Variants in APOLD1 observed in about 807,000 individuals in gnomAD.
APOLD1 encodes apolipoprotein L domain containing 1, also known as apolipoprotein L domain-containing protein 1.
Under a neutral mutation model 15.3 loss-of-function variants are expected in APOLD1, and 22 were observed. That is an observed-to-expected ratio of 1.44 (90% confidence interval 1.03 to 2.05). The LOEUF (loss-of-function observed/expected upper bound fraction) is 2.05. APOLD1 is among the 30% of genes most tolerant of loss of function. APOLD1 has a pLI of 0.00. For synonymous variants in APOLD1, 190 were observed against 167.4 expected, an observed-to-expected ratio of 1.13 and a Z score of -1.04; for missense variants, 394 against 353.5, an observed-to-expected ratio of 1.11 and a Z score of -0.92.
Position 12,786,993 on chromosome 12 carries a change from C to A in APOLD1, c.88C>A (p.Arg30=), listed in dbSNP as rs1180701650. The change falls in exon 2 of 2, where the codon CGG becomes AGG. Residue 30 remains arginine, a synonymous_variant. Transcript: ENST00000356591. ...GGGACTGCTGCTGGACCGCCGAGGC[C>A]GGCTGCACGGCCAGGTGCTGCGCCT... ...FQGLLLDRRG[R]LHGQVLRLRE... 1.4e-6 allele frequency: 2 copies of A among 1,419,596 alleles called. No homozygotes were observed. Among genetic ancestry groups the A allele is most frequent in the African/African-American group, 1.5e-5 (1 of 66,314 alleles). The allele number at this position is 1,419,596 out of a possible 1,614,324, so 87.9% of individuals were successfully genotyped here. A position where few individuals can be genotyped will look rare whatever the true frequency, so the allele number is the denominator to read the frequency against.
At chr12:12,786,486 CAT>C (rs1947125336) in intron 1 of APOLD1, among the ~76,000 whole-genome samples, 1 of 152,058 alleles carries the variant, frequency 6.6e-6, no homozygotes, top group African/African-American at 2.4e-5. Flanking sequence ...CCAATTTTCA[CAT>C]GATGAAAGGG....
At chr12:12,750,339 T>G (rs1366530369) in intron 1 of APOLD1, among the ~76,000 whole-genome samples, 1 of 130,930 alleles carries the variant, frequency 7.6e-6, no homozygotes, top group African/African-American at 2.7e-5. Context: ...GCCATTGCAT[T>G]TCAGCCTGGT....
At chr12:12,745,636 C>T (rs528305008) in intron 1 of APOLD1, among the ~76,000 whole-genome samples, 5 of 152,170 alleles carry the variant, frequency 3.3e-5, no homozygotes, top group South Asian at 2.1e-4. Flanking sequence ...TCCTATATTG[C>T]GTGTAGTGTA....
chr12:12,753,584 G>A (rs548318518), intron 1 of APOLD1, among the ~76,000 whole-genome samples: 18 of 151,832 alleles, frequency 1.2e-4, no homozygotes, highest in African/African-American at 2.7e-4. Flanking sequence ...TGGGAGGATC[G>A]TTTGAGCCCA....
chr12:12,746,262 G>A (rs1300680564), intron 1 of APOLD1, among the ~76,000 whole-genome samples: 7 of 152,228 alleles, frequency 4.6e-5, no homozygotes, highest in Admixed American at 1.3e-4. Flanking sequence ...TCGGGAAGCC[G>A]AGGCGGGTGG....
chr12:12,774,030 G>A (rs1057137197), intron 1 of APOLD1, among the ~76,000 whole-genome samples: 1 of 152,016 alleles, frequency 6.6e-6, no homozygotes, highest in Non-Finnish European at 1.5e-5. Context: ...CCCTGGACTT[G>A]GTGATTACTT....
intron 1 of APOLD1, among the ~76,000 whole-genome samples, chr12:12,755,094 T>C (rs1032844840): frequency 6.6e-5 from 10 of 151,978 alleles, no homozygotes; most frequent in African/African-American, 2.4e-4. Context: ...GTGATATAAG[T>C]GCAAGAATAG....
In APOLD1 at chr12:12,734,058, T is replaced by G. The variant is rs576885087; in HGVS notation, c.96+7962T>G. Among the ~76,000 whole-genome samples, 3 of 152,356 alleles carry G rather than the reference T, an allele frequency of 2.0e-5. No homozygotes were observed. In the South Asian group the frequency reaches 6.2e-4, roughly 32 times the overall value. The stretch of plus-strand genomic sequence containing the variant: ...CTCCATTTTTCTATCTAACTTCAGA[T>G]GCCATTAAATCTGTACATGAGTTAT... On this transcript the variant is annotated intron_variant, in intron 1 of 1. Transcript: ENST00000326765.
chr12:12,787,599 C>A lies in APOLD1; in HGVS notation c.694C>A (p.Arg232Ser), dbSNP rs1293024248. The change falls in exon 2 of 2, where the codon CGT (arginine) becomes AGT (serine). Residue 232 changes from arginine (R) to serine (S), a missense_variant. By Grantham distance (110) the Arg-to-Ser change is moderately radical. Transcript: ENST00000356591. The surrounding 1 kb of genome is among the most constrained non-coding windows in gnomAD (Gnocchi z 4.9). ...GGTTCAGCTCTGCACCAAGTCCAGT[C>A]GTGGCCACGACCTCAAGATCTCTGC... Reference protein sequence around the residue: ...SRVQLCTKSSRGHDLKISADQ... With the variant: ...SRVQLCTKSSSGHDLKISADQ... 1 of 1,611,126 alleles carries A rather than the reference C, an allele frequency of 6.2e-7. No individual in the cohort carries two copies. The highest frequency in any genetic ancestry group is 1.1e-5 in the South Asian group (1 of 91,052).
At chr12:12,743,093 T>C (rs1251070457) in intron 1 of APOLD1, among the ~76,000 whole-genome samples, 1 of 152,230 alleles carries the variant, frequency 6.6e-6, no homozygotes, top group Non-Finnish European at 1.5e-5. Flanking sequence ...GTTGAGCTGG[T>C]TTCCCACTTC....
At chr12:12,784,344 A>G (rs1334326678), upstream of APOLD1, among the ~76,000 whole-genome samples, 2 of 152,152 alleles carry the variant, frequency 1.3e-5, no homozygotes, top group African/African-American at 4.8e-5. Context: ...TGGAGTGACC[A>G]TGTCTATGGA....
At position 12,787,333 on chromosome 12, in the gene APOLD1, G is replaced by T. The variant is rs866196908; in HGVS notation, c.428G>T (p.Arg143Leu). ...CTGAGCTGCCTCGAGTTTTTCTGCCGCTGGCAGGGCTGCGGGGACCGCCAG... is the reference window on the plus strand; with the variant it reads ...CTGAGCTGCCTCGAGTTTTTCTGCCTCTGGCAGGGCTGCGGGGACCGCCAG... ...EILSCLEFFC[R>L]WQGCGDRQLL... Residue 143 changes from arginine to leucine, a missense_variant, in exon 2 of 2, where the codon CGC (arginine) becomes CTC (leucine). Coordinates refer to ENST00000356591, the MANE Select transcript of APOLD1 (RefSeq NM_030817.3). The surrounding 1 kb of genome is among the most constrained non-coding windows in gnomAD (Gnocchi z 4.9). 8.7e-6 allele frequency: 14 copies of T among 1,613,660 alleles called. No individual in the cohort carries two copies. The highest frequency in any genetic ancestry group is 1.6e-4 in the Middle Eastern group (1 of 6,062).
intron 1 of APOLD1, among the ~76,000 whole-genome samples, chr12:12,758,080 C>T (rs1294363589): frequency 1.3e-5 from 2 of 148,768 alleles, no homozygotes; most frequent in African/African-American, 2.5e-5. Context: ...CACCCACCAC[C>T]GTGATGCCTG....
At chr12:12,745,343 A>T (rs1003046272) in intron 1 of APOLD1, among the ~76,000 whole-genome samples, 2 of 152,108 alleles carry the variant, frequency 1.3e-5, no homozygotes, top group Admixed American at 6.6e-5. Context: ...GGAGTTCGTG[A>T]CCAGCCTGGC....
chr12:12,766,450 T>C (rs1393368026), intron 1 of APOLD1, among the ~76,000 whole-genome samples: 1 of 152,160 alleles, frequency 6.6e-6, no homozygotes, highest in African/African-American at 2.4e-5. Flanking sequence ...ATATTATAGA[T>C]TGATGAGCTA....
intron 1 of APOLD1, among the ~76,000 whole-genome samples, chr12:12,775,997 CA>C (rs1947029891): frequency 1.4e-5 from 1 of 70,616 alleles, no homozygotes; most frequent in Non-Finnish European, 2.6e-5. Flanking sequence ...GGGTGAGACC[CA>C]GTCTCAAAAA....
At chr12:12,749,742 G>T (rs919603217) in intron 1 of APOLD1, among the ~76,000 whole-genome samples, 2 of 152,156 alleles carry the variant, frequency 1.3e-5, no homozygotes, top group African/African-American at 2.4e-5. Context: ...ACAGAATTCT[G>T]TAACCCGGGT....
chr12:12,781,284 A>C (rs1947077654), upstream of APOLD1, among the ~76,000 whole-genome samples: 1 of 152,062 alleles, frequency 6.6e-6, no homozygotes, highest in South Asian at 2.1e-4. Context: ...CTCTACTAAA[A>C]ATACAAAAAA....
upstream of APOLD1, among the ~76,000 whole-genome samples, chr12:12,781,516 A>G (rs1947079922): frequency 6.6e-6 from 1 of 151,500 alleles, no homozygotes; most frequent in Non-Finnish European, 1.5e-5. Context: ...GAGCGTAATT[A>G]TCACTTTATC....
Sources: gnomAD v4.1 joint callset for allele counts (sites outside exome capture counted in the v4.1 genomes callset) on GRCh38, gnomAD v4.1.1 for gene constraint, Gnocchi (gnomAD v3.1) non-coding constraint, MANE v1.5 for transcripts, NCBI Gene and HGNC (gene_info 2026-07-23, HGNC 2026-07-21) for gene names.